Variants in UCHL3 observed in about 807,000 individuals in gnomAD.
UCHL3 encodes the protein ubiquitin carboxyl-terminal hydrolase isozyme L3.
In UCHL3, 22 loss-of-function variants were observed where a neutral mutation model predicts 35.8. The ratio of observed to expected loss-of-function variants is 0.61; its 90% CI spans 0.44 to 0.88. UCHL3 has a LOEUF of 0.88. Among genes scored for constraint, UCHL3 ranks in the 40% least tolerant of loss-of-function variants. UCHL3 has a pLI of 0.00. For synonymous variants in UCHL3, 90 were observed against 92.8 expected, an observed-to-expected ratio of 0.97 and a Z score of 0.17; for missense variants, 229 against 276.9, an observed-to-expected ratio of 0.83 and a Z score of 1.23.
chr13:75,596,688 C>G (rs1309813177), intron 7 of UCHL3, among the ~76,000 whole-genome samples: 1 of 151,958 alleles, frequency 6.6e-6, no homozygotes, highest in Admixed American at 6.6e-5. Flanking sequence ...GAAAACCTCT[C>G]TAATGATCTC....
chr13:75,582,163 A>G (rs1220741597), intron 6 of UCHL3, among the ~76,000 whole-genome samples: 2 of 152,156 alleles, frequency 1.3e-5, no homozygotes, highest in African/African-American at 4.8e-5. Flanking sequence ...CTGTATTCTC[A>G]TAGCTCACTT....
chr13:75,577,309 G>C (rs530737851), intron 6 of UCHL3, among the ~76,000 whole-genome samples: 1 of 152,106 alleles, frequency 6.6e-6, no homozygotes, highest in Non-Finnish European at 1.5e-5. Context: ...AATATATACA[G>C]ACTTTTTTCT....
chr13:75,597,331 C>G (rs577620383), intron 7 of UCHL3, among the ~76,000 whole-genome samples: 1 of 151,692 alleles, frequency 6.6e-6, no homozygotes, highest in South Asian at 2.1e-4. Context: ...TGAACAGCCA[C>G]TACACTTCTG....
chr13:75,570,283 G>A (rs1171668093), intron 6 of UCHL3, among the ~76,000 whole-genome samples: 5 of 151,972 alleles, frequency 3.3e-5, no homozygotes, highest in Non-Finnish European at 7.4e-5. Context: ...AGTTGCCCAG[G>A]CTGGAGTGCA....
At position 75,566,803 on chromosome 13, in the gene UCHL3, A is replaced by G. The variant is rs1319069597; in HGVS notation, c.292A>G (p.Ile98Val). ...KQTISNACGTIGLIHAIANNK... is the reference protein window; with the variant it reads ...KQTISNACGTVGLIHAIANNK... ...AACAATCAGCAATGCCTGTGGAACA[A>G]TTGGACTGATTCATGCTATTGCAAA... Residue 98 changes from isoleucine to valine, a missense_variant, in exon 4 of 9, where the codon ATT becomes GTT. By Grantham distance (29) the Ile-to-Val change is conservative. Coordinates refer to ENST00000377595, the MANE Select transcript of UCHL3 (RefSeq NM_006002.5). The G allele has an allele frequency of 5.6e-6, 9 of 1,610,752 alleles. No homozygotes were observed. In the African/African-American group the frequency reaches 8.0e-5, roughly 14 times the overall value.
chr13:75,600,318 A>G (rs1290513680), intron 7 of UCHL3, among the ~76,000 whole-genome samples: 1 of 152,236 alleles, frequency 6.6e-6, no homozygotes, highest in Non-Finnish European at 1.5e-5. Flanking sequence ...CAGATTTTCC[A>G]TGTAGATGAC....
chr13:75,594,660 A>G (rs1203046630), intron 6 of UCHL3, among the ~76,000 whole-genome samples: 1 of 152,190 alleles, frequency 6.6e-6, no homozygotes, highest in Non-Finnish European at 1.5e-5. Context: ...AGGTGAACAC[A>G]ATTTTTGGTC....
intron 2 of UCHL3, among the ~76,000 whole-genome samples, chr13:75,560,464 C>A (rs2031455182): frequency 6.6e-6 from 1 of 152,078 alleles, no homozygotes; most frequent in Non-Finnish European, 1.5e-5. Flanking sequence ...CTCTTCTCAC[C>A]CTATTCATAG....
intron 5 of UCHL3, among the ~76,000 whole-genome samples, chr13:75,567,819 A>G (rs889502738): frequency 6.6e-6 from 1 of 152,132 alleles, no homozygotes; most frequent in Admixed American, 6.6e-5. Flanking sequence ...AAGTGCTGGG[A>G]TTACAAACAT....
chr13:75,549,508 C>G, upstream of UCHL3: 1 of 363,658 alleles, frequency 2.7e-6, no homozygotes, highest in East Asian at 4.1e-5. Flanking sequence ...GAGCGCTCGG[C>G]AAGGCTCGGC....
intron 6 of UCHL3, among the ~76,000 whole-genome samples, chr13:75,592,020 T>C (rs1235289201): frequency 6.6e-6 from 1 of 152,106 alleles, no homozygotes; most frequent in African/African-American, 2.4e-5. Flanking sequence ...TTTGGGATGC[T>C]CAACCAGTAT....
intron 2 of UCHL3, among the ~76,000 whole-genome samples, chr13:75,550,190 T>G (rs1244752088): frequency 6.6e-6 from 1 of 152,184 alleles, no homozygotes; most frequent in Non-Finnish European, 1.5e-5. Context: ...CTCCCACCAC[T>G]CCTCTGGTCC....
At chr13:75,564,047 A>G (rs1470121468) in intron 3 of UCHL3, among the ~76,000 whole-genome samples, 2 of 152,184 alleles carry the variant, frequency 1.3e-5, no homozygotes, top group Non-Finnish European at 2.9e-5. Context: ...TACTATGGTC[A>G]TAGACTATAC....
chr13:75,589,253 T>C (rs1349367288), intron 6 of UCHL3, among the ~76,000 whole-genome samples: 6 of 152,162 alleles, frequency 3.9e-5, no homozygotes, highest in Non-Finnish European at 7.3e-5. Context: ...ACAGGAATAG[T>C]TGTGCCTGTG....
At chr13:75,604,102 A>T (rs1180685164) in intron 7 of UCHL3, among the ~76,000 whole-genome samples, 4 of 152,148 alleles carry the variant, frequency 2.6e-5, no homozygotes, top group Non-Finnish European at 5.9e-5. Context: ...TTATGGATTG[A>T]ACTTAATGAA....
chr13:75,589,859 G>A (rs1375805921), intron 6 of UCHL3: 1 of 1,089,328 alleles, frequency 9.2e-7, no homozygotes, highest in African/African-American at 1.7e-5. Flanking sequence ...TTACAAGCAT[G>A]ACCATACGTT....
Position 75,605,755 on chromosome 13 carries a change from T to C in UCHL3, c.636T>C (p.Phe212=), listed in dbSNP as rs2032926242. 1 of 1,614,050 alleles carries C rather than the reference T, an allele frequency of 6.2e-7. No homozygotes were observed. The highest frequency in any genetic ancestry group is 8.5e-7 in the Non-Finnish European group (1 of 1,179,986). Residue 212 remains phenylalanine, a synonymous_variant, in exon 9 of 9, where the codon TTT becomes TTC. Coordinates refer to ENST00000377595, the MANE Select transcript of UCHL3 (RefSeq NM_006002.5). ...LEDAIEVCKK[F]MERDPDELRF... is the part of the protein sequence containing the mutation. The stretch of plus-strand genomic sequence containing the variant: ...ATGCCATAGAAGTTTGCAAGAAGTT[T>C]ATGGAGCGCGACCCTGATGAACTAA...
chr13:75,572,300 A>T (rs1463604868), intron 6 of UCHL3, among the ~76,000 whole-genome samples: 1 of 152,196 alleles, frequency 6.6e-6, no homozygotes, highest in Non-Finnish European at 1.5e-5. Context: ...AACTCTTTAT[A>T]TGACTACTCC....
chr13:75,598,715 C>T (rs1213507410), intron 7 of UCHL3, among the ~76,000 whole-genome samples: 1 of 152,064 alleles, frequency 6.6e-6, no homozygotes, highest in Non-Finnish European at 1.5e-5. Flanking sequence ...TCAATTTGCC[C>T]CATTACTGGT....
Sources: allele counts gnomAD v4.1 joint callset (sites outside exome capture counted in the v4.1 genomes callset), GRCh38; gene constraint gnomAD v4.1.1; transcripts MANE v1.5; gene names NCBI Gene and HGNC (gene_info 2026-07-23, HGNC 2026-07-21).